LRPPRC: variants seen among roughly 807,000 people sequenced by gnomAD.
The protein encoded by LRPPRC is leucine rich pentatricopeptide repeat containing.
A neutral mutation model predicts 180.3 loss-of-function variants in LRPPRC; 120 were observed. The ratio of observed to expected loss-of-function variants is 0.67; its 90% CI spans 0.57 to 0.77. The LOEUF (loss-of-function observed/expected upper bound fraction) is 0.77, where lower values mean the gene tolerates loss of function less well. Among genes scored for constraint, LRPPRC ranks in the 30% least tolerant of loss-of-function variants. The pLI, the probability that LRPPRC is intolerant of heterozygous loss-of-function variation, is 0.00. For synonymous variants in LRPPRC, 723 were observed against 600.0 expected (o/e 1.21, Z -3.00); for missense variants, 2,012 against 1,657.2 (o/e 1.21, Z -3.72).
intron 1 of LRPPRC, among the ~76,000 whole-genome samples, chr2:43,994,656 C>T (rs1209569294): frequency 1.3e-5 from 2 of 152,174 alleles, no homozygotes; most frequent in Non-Finnish European, 2.9e-5. Context: ...CGCGAGCTCT[C>T]AAAGTACCTT....
In LRPPRC at chr2:43,894,602, A is replaced by G. The variant is rs1185348937; in HGVS notation, c.3928T>C (p.Leu1310=). ...KASTVKSVLE[L]IPELNEKEEA... ...TCCTTTTCATTTAATTCAGGAATCA[A>G]TTCTAACACAGATTTCACAGTTGAT... The change falls in exon 36 of 38, where the codon TTG becomes CTG. Residue 1310 remains leucine (L), a synonymous_variant. Transcript: ENST00000260665. The G allele has an allele frequency of 3.8e-6, 6 of 1,581,534 alleles. No individual in the cohort carries two copies. Among genetic ancestry groups the G allele is most frequent in the African/African-American group, 2.7e-5 (2 of 74,348 alleles).
chr2:43,956,844 C>T (rs2103647872), intron 14 of LRPPRC, among the ~76,000 whole-genome samples: 1 of 152,248 alleles, frequency 6.6e-6, no homozygotes, highest in Non-Finnish European at 1.5e-5. Flanking sequence ...GAGCCAGGAT[C>T]ACACCACTGC....
intron 24 of LRPPRC, 25 bp from the exon 25 acceptor site, chr2:43,934,321 T>C (rs372531010): frequency 5.1e-5 from 58 of 1,132,242 alleles, no homozygotes; most frequent in South Asian, 1.7e-4. Flanking sequence ...AAAAAATATA[T>C]ATATTAGGAG....
In LRPPRC at chr2:43,934,772, T is replaced by C. The variant is rs202031722; in HGVS notation, c.2611A>G (p.Thr871Ala). 29 of 1,612,940 alleles carry C rather than the reference T, an allele frequency of 1.8e-5. No homozygotes were observed. Among genetic ancestry groups the C allele is most frequent in the African/African-American group, 4.0e-5 (3 of 75,022 alleles). ...VLCKLVEKGE[T>A]DLIQKAMDFV... Reference sequence around the variant, plus strand: ...GACTCACCTTTCTGAATTAGATCAGTCTCGCCTTTCTCTACCAGTTTACAC... The same window carrying C: ...GACTCACCTTTCTGAATTAGATCAGCCTCGCCTTTCTCTACCAGTTTACAC... Residue 871 changes from threonine (T) to alanine (A), a missense_variant, in exon 24 of 38, where the codon ACT (threonine) becomes GCT (alanine). Coordinates refer to ENST00000260665, the MANE Select transcript of LRPPRC (RefSeq NM_133259.4).
rs114260052 is a variant in LRPPRC, at chr2:43,993,808, G to A, written c.149+1991C>T. Among the ~76,000 whole-genome samples, 897 of 151,684 alleles carry A rather than the reference G, an allele frequency of 5.9e-3. 9 individuals are homozygous for A. The highest frequency in any genetic ancestry group is 0.021 in the African/African-American group (854 of 41,336). Reference sequence around the variant, plus strand: ...GAGGTGTGCCACGAATAAATCTACAGTGGGACCGGCATGTTTTGGATTGAG... The same window carrying A: ...GAGGTGTGCCACGAATAAATCTACAATGGGACCGGCATGTTTTGGATTGAG... On this transcript the variant is annotated intron_variant, in intron 1 of 37. Coordinates refer to ENST00000260665, the MANE Select transcript of LRPPRC (RefSeq NM_133259.4).
At chr2:43,893,553 T>A (rs1307232467) in intron 36 of LRPPRC, among the ~76,000 whole-genome samples, 1 of 152,224 alleles carries the variant, frequency 6.6e-6, no homozygotes, top group Non-Finnish European at 1.5e-5. Context: ...AGCAATATCT[T>A]AAAATTAAGG....
chr2:43,936,025 G>C (rs1672265166), intron 23 of LRPPRC, among the ~76,000 whole-genome samples: 1 of 152,118 alleles, frequency 6.6e-6, no homozygotes, highest in Non-Finnish European at 1.5e-5. Flanking sequence ...GGAGGTTGCA[G>C]TGAGCTGAGA....
At chr2:43,927,735 T>G (rs1233592160) in intron 25 of LRPPRC, among the ~76,000 whole-genome samples, 1 of 152,208 alleles carries the variant, frequency 6.6e-6, no homozygotes, top group African/African-American at 2.4e-5. Context: ...TCTTTCTGTT[T>G]GTGGCTGATT....
In LRPPRC at chr2:43,901,519, C is replaced by T; in HGVS notation, c.3370G>A (p.Val1124Met). The change falls in exon 32 of 38, where the codon GTG becomes ATG. Residue 1124 changes from valine to methionine, a missense_variant. Val to Met is a conservative substitution (Grantham distance 21, BLOSUM62 1). Transcript: ENST00000260665. ...QVRRDYLKEAVTTLKTVLDQQ... is the reference protein window; with the variant it reads ...QVRRDYLKEAMTTLKTVLDQQ... ...TCCAATACTGTTTTCAGTGTTGTCA[C>T]AGCCTCTAAAATACAAGAGCAGGAG... 1.9e-6 allele frequency: 3 copies of T among 1,610,452 alleles called. No individual in the cohort carries two copies. Among genetic ancestry groups the T allele is most frequent in the Middle Eastern group, 1.7e-4 (1 of 6,058 alleles).
At chr2:43,983,884 G>A (rs1225336946) in intron 1 of LRPPRC, among the ~76,000 whole-genome samples, 9 of 152,034 alleles carry the variant, frequency 5.9e-5, no homozygotes, top group Admixed American at 4.6e-4. Context: ...ACTGTGATCT[G>A]GGAGAAATCA....
intron 12 of LRPPRC, 56 bp from the exon 13 acceptor site, chr2:43,960,690 A>G: frequency 1.2e-6 from 1 of 842,500 alleles, no homozygotes; most frequent in East Asian, 2.4e-5. Flanking sequence ...TATTTTGATA[A>G]GCCAAAGATC....
At chr2:43,923,431 G>A (rs780284244) in intron 27 of LRPPRC, among the ~76,000 whole-genome samples, 4 of 152,192 alleles carry the variant, frequency 2.6e-5, no homozygotes, top group Non-Finnish European at 5.9e-5. Context: ...GGTTGAGGCT[G>A]CAGTGAGCTC....
chr2:43,970,672 A>G (rs1480711334), intron 11 of LRPPRC, among the ~76,000 whole-genome samples: 1 of 152,242 alleles, frequency 6.6e-6, no homozygotes, highest in Non-Finnish European at 1.5e-5. Context: ...GAGAATTATA[A>G]CAGCTCACCA....
chr2:43,905,263 ATC>A (rs973377895), intron 31 of LRPPRC, among the ~76,000 whole-genome samples: 44 of 152,358 alleles, frequency 2.9e-4, no homozygotes, highest in South Asian at 1.7e-3. Context: ...CTGATTTGGT[ATC>A]TCACACACAA....
At position 43,977,047 on chromosome 2, in the gene LRPPRC, T is replaced by C. The variant is rs1674089217; in HGVS notation, c.597A>G (p.Thr199=). The change falls in exon 5 of 38, where the codon ACA becomes ACG. Residue 199 remains threonine (T), a synonymous_variant. Coordinates refer to ENST00000260665, the MANE Select transcript of LRPPRC (RefSeq NM_133259.4). ...EEANIQPNRV[T]YQRLIASYCN... ...AATAAGAAGCAATCAATCTCTGGTATGTCACCTGTCAATGAAATGGGCCAG... is the reference window on the plus strand; with the variant it reads ...AATAAGAAGCAATCAATCTCTGGTACGTCACCTGTCAATGAAATGGGCCAG... The C allele has an allele frequency of 1.9e-6, 3 of 1,613,270 alleles. No homozygotes were observed. The highest frequency in any genetic ancestry group is 2.5e-6 in the Non-Finnish European group (3 of 1,179,384).
upstream of LRPPRC, chr2:43,996,033 G>C: frequency 5.0e-6 from 7 of 1,390,654 alleles, no homozygotes; most frequent in Non-Finnish European, 6.8e-6. Flanking sequence ...GCGCGGCAGA[G>C]ACCAACTGCC....
intron 11 of LRPPRC, among the ~76,000 whole-genome samples, chr2:43,964,826 C>T (rs1673487582): frequency 6.6e-6 from 1 of 152,024 alleles, no homozygotes; most frequent in Non-Finnish European, 1.5e-5. Flanking sequence ...TGCAACGGAA[C>T]AAAGAATCTA....
chr2:43,933,406 G>A (rs17031766), intron 25 of LRPPRC, among the ~76,000 whole-genome samples: 1 of 152,096 alleles, frequency 6.6e-6, no homozygotes, highest in East Asian at 1.9e-4. Context: ...GACCAAAAGC[G>A]AAGTATAATC....
At chr2:43,939,432 T>C (rs955774528) in intron 23 of LRPPRC, among the ~76,000 whole-genome samples, 2 of 152,094 alleles carry the variant, frequency 1.3e-5, no homozygotes, top group African/African-American at 4.8e-5. Flanking sequence ...CTTACTGAAA[T>C]GCGCTCAAAT....
Sources: allele counts gnomAD v4.1 joint callset (sites outside exome capture counted in the v4.1 genomes callset), GRCh38; gene constraint gnomAD v4.1.1; transcripts MANE v1.5; gene names NCBI Gene and HGNC (gene_info 2026-07-23, HGNC 2026-07-21).